CCDC178: variants seen among roughly 807,000 people sequenced by gnomAD.
The protein encoded by CCDC178 is coiled-coil domain-containing protein 178.
In CCDC178, 126 loss-of-function variants were observed where a neutral mutation model predicts 117.4. The observed-to-expected ratio is 1.07, with a 90% CI of 0.93 to 1.24. The LOEUF is 1.24. Among genes scored for constraint, CCDC178 ranks in the 50% most tolerant of loss-of-function variants. The probability of loss-of-function intolerance (pLI) is 0.00; values close to 1 mark genes in which losing one functional copy is unlikely to be tolerated. For missense variants in CCDC178, 1,030 were observed against 986.9 expected (o/e 1.04, Z -0.59); for synonymous variants, 283 against 313.4 (o/e 0.90, Z 1.02).
intron 15 of CCDC178, among the ~76,000 whole-genome samples, chr18:33,232,841 A>T (rs943785909): frequency 2.0e-5 from 3 of 152,154 alleles, no homozygotes; most frequent in Non-Finnish European, 4.4e-5. Flanking sequence ...GTCTAACAAG[A>T]TCTTTCTCAT....
At chr18:32,966,689 C>G (rs12454082) in intron 22 of CCDC178, among the ~76,000 whole-genome samples, 141,979 of 151,832 alleles carry the variant, frequency 0.94, 66,831 homozygotes, top group Non-Finnish European at 0.99. Flanking sequence ...GCTTCACACA[C>G]AAATTTTGTT....
At position 33,314,062 on chromosome 18, in the gene CCDC178, G is replaced by A. The variant is rs1011022597; in HGVS notation, c.1022+9429C>T. On this transcript the variant is annotated intron_variant, in intron 11 of 22. Coordinates refer to ENST00000383096, the MANE Select transcript of CCDC178 (RefSeq NM_001105528.4). Reference sequence around the variant, plus strand: ...AAAAATACAAAAAAATTAGCCGGGCGTAGTGGCGGGCGCCTGTAATCCCAG... The same window carrying A: ...AAAAATACAAAAAAATTAGCCGGGCATAGTGGCGGGCGCCTGTAATCCCAG... Among the ~76,000 whole-genome samples, 6 of 149,826 alleles carry A rather than the reference G, an allele frequency of 4.0e-5. No homozygotes were observed. In the East Asian group the frequency reaches 9.8e-4, roughly 24 times the overall value.
chr18:33,318,856 A>G (rs2062459494), intron 11 of CCDC178, among the ~76,000 whole-genome samples: 1 of 152,122 alleles, frequency 6.6e-6, no homozygotes, highest in South Asian at 2.1e-4. Flanking sequence ...AATGGCAAAA[A>G]TGAAAATTAA....
At chr18:33,135,346 CA>C (rs572949272) in intron 20 of CCDC178, among the ~76,000 whole-genome samples, 3 of 151,528 alleles carry the variant, frequency 2.0e-5, no homozygotes, top group East Asian at 3.9e-4. Flanking sequence ...AGATGGCACA[CA>C]AAAAAATAAT....
intron 3 of CCDC178, among the ~76,000 whole-genome samples, chr18:33,402,195 C>T (rs1443036210): frequency 2.6e-5 from 4 of 152,114 alleles, no homozygotes; most frequent in Admixed American, 6.6e-5. Context: ...ATGATAAAGA[C>T]CTTTGAAAAA....
At chr18:33,173,113 G>A (rs1050712889) in intron 20 of CCDC178, among the ~76,000 whole-genome samples, 2 of 152,136 alleles carry the variant, frequency 1.3e-5, no homozygotes, top group African/African-American at 4.8e-5. Flanking sequence ...GCAGTGGCAT[G>A]ACCTTGGCTC....
intron 14 of CCDC178, among the ~76,000 whole-genome samples, chr18:33,255,591 A>G (rs1384322773): frequency 6.6e-6 from 1 of 152,076 alleles, no homozygotes. Flanking sequence ...AACAACGCCC[A>G]AAACAGGTAA....
chr18:33,364,728 GCTC>G (rs756515623), intron 6 of CCDC178, among the ~76,000 whole-genome samples: 12 of 129,986 alleles, frequency 9.2e-5, no homozygotes, highest in South Asian at 7.3e-4. Context: ...TTCTGTTGTC[GCTC>G]CTTTTTTTTT....
intron 20 of CCDC178, among the ~76,000 whole-genome samples, chr18:33,110,821 G>A (rs906800266): frequency 5.3e-5 from 8 of 151,494 alleles, no homozygotes; most frequent in African/African-American, 1.9e-4. Flanking sequence ...TGGCCTCATA[G>A]TAAGTCTAGG....
intron 22 of CCDC178, among the ~76,000 whole-genome samples, chr18:32,952,241 T>C (rs987579671): frequency 1.3e-5 from 2 of 152,216 alleles, no homozygotes; most frequent in Non-Finnish European, 2.9e-5. Context: ...ACTTCACATT[T>C]CCCTTCTGCA....
chr18:33,123,092 AG>A (rs1402745705), intron 20 of CCDC178, among the ~76,000 whole-genome samples: 1 of 152,206 alleles, frequency 6.6e-6, no homozygotes, highest in African/African-American at 2.4e-5. Context: ...TCTTGAATAT[AG>A]TACCTAAGTT....
chr18:33,351,494 T>C (rs1473565325), intron 7 of CCDC178, among the ~76,000 whole-genome samples: 1 of 151,482 alleles, frequency 6.6e-6, no homozygotes. Context: ...TGCCCGGCCG[T>C]ATAATTATAT....
At chr18:33,408,168 A>G (rs998503008) in intron 3 of CCDC178, among the ~76,000 whole-genome samples, 4 of 152,018 alleles carry the variant, frequency 2.6e-5, no homozygotes, top group African/African-American at 9.7e-5. Flanking sequence ...ATGTTAGTAG[A>G]TGTAGAAAAA....
intron 21 of CCDC178, among the ~76,000 whole-genome samples, chr18:33,064,117 T>C (rs1049912423): frequency 6.6e-6 from 1 of 152,160 alleles, no homozygotes; most frequent in African/African-American, 2.4e-5. Context: ...CACAATATAC[T>C]AAATATGAGA....
At chr18:33,054,500 T>C (rs1025917453) in intron 21 of CCDC178, among the ~76,000 whole-genome samples, 2 of 152,176 alleles carry the variant, frequency 1.3e-5, no homozygotes, top group Admixed American at 6.6e-5. Context: ...CAGCTCCCAC[T>C]TACAACTGAG....
intron 20 of CCDC178, among the ~76,000 whole-genome samples, chr18:33,166,856 T>A (rs959877669): frequency 6.6e-6 from 1 of 152,168 alleles, no homozygotes; most frequent in African/African-American, 2.4e-5. Context: ...CAGGGATTGA[T>A]GAAGAGATTA....
intron 21 of CCDC178, among the ~76,000 whole-genome samples, chr18:32,984,204 C>T (rs2055213668): frequency 6.6e-6 from 1 of 151,608 alleles, no homozygotes; most frequent in Non-Finnish European, 1.5e-5. Context: ...TTTAATTACT[C>T]TAATTATATA....
chr18:33,042,718 A>T (rs938957901), intron 21 of CCDC178, among the ~76,000 whole-genome samples: 5 of 151,946 alleles, frequency 3.3e-5, no homozygotes, highest in East Asian at 1.9e-4. Flanking sequence ...CTGAAAAATT[A>T]TGACAGTTGC....
At chr18:33,303,814 T>C (rs2062212497) in intron 11 of CCDC178, among the ~76,000 whole-genome samples, 1 of 152,086 alleles carries the variant, frequency 6.6e-6, no homozygotes, top group African/African-American at 2.4e-5. Flanking sequence ...GGGAAATGCT[T>C]GTGAGAAAGG....
Sources: allele counts gnomAD v4.1 joint callset (sites outside exome capture counted in the v4.1 genomes callset), GRCh38; gene constraint gnomAD v4.1.1; transcripts MANE v1.5; gene names NCBI Gene and HGNC (gene_info 2026-07-23, HGNC 2026-07-21).